The following PDE3A variants were observed in gnomAD, a reference collection of about 807,000 sequenced individuals.
PDE3A encodes cGMP-inhibited 3',5'-cyclic phosphodiesterase 3A.
In PDE3A, 43 loss-of-function variants were observed where a neutral mutation model predicts 98.3. That is an observed-to-expected ratio of 0.44 (90% confidence interval 0.34 to 0.56). PDE3A has a LOEUF of 0.56. Ranked by LOEUF, PDE3A falls within the 20% of genes least tolerant of loss-of-function variation. PDE3A has a pLI of 0.01. For missense variants in PDE3A, 1,427 were observed against 1,440.7 expected, an observed-to-expected ratio of 0.99 and a Z score of 0.15; for synonymous variants, 663 against 567.9, an observed-to-expected ratio of 1.17 and a Z score of -2.38.
intron 1 of PDE3A, among the ~76,000 whole-genome samples, chr12:20,504,780 T>C (rs1037217929): frequency 6.6e-6 from 1 of 152,130 alleles, no homozygotes; most frequent in African/African-American, 2.4e-5. Context: ...CTATTAACTC[T>C]GGCCCTCCTG....
intron 1 of PDE3A, among the ~76,000 whole-genome samples, chr12:20,372,820 C>T (rs180947970): frequency 6.6e-6 from 1 of 152,124 alleles, no homozygotes; most frequent in Non-Finnish European, 1.5e-5. Context: ...CTTAAACGCA[C>T]AGTCTGTCAG....
chr12:20,535,801 A>C (rs1941734152), intron 1 of PDE3A, among the ~76,000 whole-genome samples: 1 of 152,148 alleles, frequency 6.6e-6, no homozygotes, highest in Non-Finnish European at 1.5e-5. Context: ...ATATTGGTCA[A>C]AACATTAATT....
At chr12:20,539,002 A>G (rs901504297) in intron 1 of PDE3A, among the ~76,000 whole-genome samples, 1 of 151,656 alleles carries the variant, frequency 6.6e-6, no homozygotes, top group African/African-American at 2.4e-5. Flanking sequence ...AAAAGCATGT[A>G]TTGAATCCCT....
In PDE3A at chr12:20,664,836, A is replaced by C. The variant is rs74465024; in HGVS notation, c.3184+10631A>C. 8.0e-3 allele frequency among the ~76,000 whole-genome samples: 1,221 copies of C among 152,126 alleles called. 7 individuals carry two copies. The highest frequency in any genetic ancestry group is 0.012 in the Non-Finnish European group (847 of 67,986). On this transcript the variant is annotated intron_variant, in intron 15 of 15. Transcript: ENST00000359062. ...AGGTATGTCTTTATCAGCAGTGTGAAATTGACTAACACACCCTCAAATATA... is the reference window on the plus strand; with the variant it reads ...AGGTATGTCTTTATCAGCAGTGTGACATTGACTAACACACCCTCAAATATA...
chr12:20,406,913 T>C (rs1238787325), intron 1 of PDE3A, among the ~76,000 whole-genome samples: 1 of 152,206 alleles, frequency 6.6e-6, no homozygotes, highest in Non-Finnish European at 1.5e-5. Context: ...TTTGTGTGTA[T>C]GGATATACAG....
intron 1 of PDE3A, among the ~76,000 whole-genome samples, chr12:20,413,846 G>GGAGA (rs1944376063): frequency 6.6e-6 from 1 of 152,178 alleles, no homozygotes; most frequent in Non-Finnish European, 1.5e-5. Flanking sequence ...GGACAGTGGA[G>GGAGA]GAGAGCATCT....
chr12:20,457,509 G>A (rs146068834), intron 1 of PDE3A, among the ~76,000 whole-genome samples: 87 of 150,936 alleles, frequency 5.8e-4, no homozygotes, highest in South Asian at 5.0e-3. Context: ...TTTATTTTTC[G>A]TTGTACAAAA....
chr12:20,452,994 T>C (rs1945093874), intron 1 of PDE3A, among the ~76,000 whole-genome samples: 1 of 152,180 alleles, frequency 6.6e-6, no homozygotes, highest in Non-Finnish European at 1.5e-5. Context: ...TTAAAGAGTT[T>C]TTTAGCCTCT....
At chr12:20,469,370 T>A (rs1463341956) in intron 1 of PDE3A, among the ~76,000 whole-genome samples, 2 of 152,328 alleles carry the variant, frequency 1.3e-5, no homozygotes, top group East Asian at 3.9e-4. Context: ...GCCAGTTTCA[T>A]GTCTGTCAAC....
intron 2 of PDE3A, chr12:20,572,134 C>T (rs928051360): frequency 1.6e-5 from 20 of 1,278,084 alleles, no homozygotes; most frequent in South Asian, 6.3e-5. Flanking sequence ...TACATGGTGA[C>T]GATATTTTCC....
At chr12:20,585,870 C>T (rs1943182785) in intron 2 of PDE3A, among the ~76,000 whole-genome samples, 2 of 152,102 alleles carry the variant, frequency 1.3e-5, no homozygotes, top group Admixed American at 1.3e-4. Flanking sequence ...TCTTTCCTTT[C>T]TTCCACAGAC....
chr12:20,401,142 A>G (rs79051040), intron 1 of PDE3A, among the ~76,000 whole-genome samples: 1 of 151,862 alleles, frequency 6.6e-6, no homozygotes, highest in Non-Finnish European at 1.5e-5. Flanking sequence ...TCCGTTTTCT[A>G]CTCTCACTGT....
intron 1 of PDE3A, among the ~76,000 whole-genome samples, chr12:20,546,648 G>A (rs993076107): frequency 5.9e-5 from 9 of 152,000 alleles, no homozygotes; most frequent in African/African-American, 9.7e-5. Flanking sequence ...ATCAAAAACC[G>A]TGTGCTCGTC....
At chr12:20,500,838 G>C (rs903915130) in intron 1 of PDE3A, among the ~76,000 whole-genome samples, 5 of 149,342 alleles carry the variant, frequency 3.3e-5, no homozygotes, top group African/African-American at 1.2e-4. Flanking sequence ...CGCCATCTCA[G>C]CTCACTGCAG....
chr12:20,538,194 GT>G (rs1255396184), intron 1 of PDE3A, among the ~76,000 whole-genome samples: 1 of 152,094 alleles, frequency 6.6e-6, no homozygotes, highest in African/African-American at 2.4e-5. Context: ...CTCTGTGTGT[GT>G]GTGTTTAGAT....
intron 12 of PDE3A, 132 bp from the exon 13 acceptor site, chr12:20,648,553 TTAA>T (rs1944829801): frequency 4.7e-6 from 3 of 644,744 alleles, no homozygotes; most frequent in African/African-American, 3.6e-5. Context: ...TAAGTGATTC[TTAA>T]TAAGCAGGAG....
chr12:20,484,668 G>A (rs1018488477), intron 1 of PDE3A, among the ~76,000 whole-genome samples: 2 of 151,834 alleles, frequency 1.3e-5, no homozygotes, highest in African/African-American at 2.4e-5. Context: ...TCTTTATTAC[G>A]TTAGCTCATT....
chr12:20,480,915 A>G (rs1178556504), intron 1 of PDE3A, among the ~76,000 whole-genome samples: 1 of 152,200 alleles, frequency 6.6e-6, no homozygotes, highest in African/African-American at 2.4e-5. Flanking sequence ...CATTGACTTG[A>G]CCTTAACCAA....
chr12:20,640,515 A>G (rs1383640899), intron 10 of PDE3A, among the ~76,000 whole-genome samples: 3 of 152,104 alleles, frequency 2.0e-5, no homozygotes. Flanking sequence ...GAAAAGACAT[A>G]TGGAAGTGGT....
Sources: allele counts gnomAD v4.1 joint callset (sites outside exome capture counted in the v4.1 genomes callset), GRCh38; gene constraint gnomAD v4.1.1; transcripts MANE v1.5; gene names NCBI Gene and HGNC (gene_info 2026-07-23, HGNC 2026-07-21).